MCF2L: variants seen among roughly 807,000 people sequenced by gnomAD.
MCF2L encodes the protein MCF.2 cell line derived transforming sequence like.
MCF2L carries 97 observed loss-of-function variants against 153.4 expected under a neutral mutation model. The ratio of observed to expected loss-of-function variants is 0.63; its 90% CI spans 0.54 to 0.75. The LOEUF is 0.75. Ranked by LOEUF, MCF2L falls within the 30% of genes least tolerant of loss-of-function variation. The pLI, the probability that MCF2L is intolerant of heterozygous loss-of-function variation, is 0.00. For synonymous variants in MCF2L, 659 were observed against 632.2 expected, an observed-to-expected ratio of 1.04 and a Z score of -0.64; for missense variants, 1,347 against 1,495.2, an observed-to-expected ratio of 0.90 and a Z score of 1.64.
intron 2 of MCF2L, among the ~76,000 whole-genome samples, chr13:113,021,288 G>A (rs369409982): frequency 1.4e-3 from 211 of 152,248 alleles, no homozygotes; most frequent in African/African-American, 5.0e-3. Flanking sequence ...GTAGCTGTGT[G>A]TAGCTGTGTG....
At chr13:112,947,180 C>T (rs1367253627) in intron 2 of MCF2L, among the ~76,000 whole-genome samples, 1 of 152,184 alleles carries the variant, frequency 6.6e-6, no homozygotes, top group Non-Finnish European at 1.5e-5. Context: ...AGCCCTTGTC[C>T]TAACCACCTA....
At chr13:112,922,140 A>G (rs916455938) in intron 2 of MCF2L, among the ~76,000 whole-genome samples, 1 of 152,226 alleles carries the variant, frequency 6.6e-6, no homozygotes, top group Non-Finnish European at 1.5e-5. Context: ...CACTTTATAT[A>G]GTAGTCGACT....
rs2033266237 is a variant in MCF2L, at chr13:113,074,652, C to T, written c.1116+89C>T. On this transcript the variant is annotated intron_variant, in intron 10 of 29. Coordinates refer to ENST00000535094, the MANE Select transcript of MCF2L (RefSeq NM_001112732.3). This position sits in a 1 kb window ranked among gnomAD's most constrained non-coding sequence, Gnocchi z 4.2. ...GAAGGCGCAGGAATGGGCCTCCCGCCTACGGAGAACGGACCCCACAGCCCC... is the reference window on the plus strand; with the variant it reads ...GAAGGCGCAGGAATGGGCCTCCCGCTTACGGAGAACGGACCCCACAGCCCC... 1.3e-6 allele frequency: 2 copies of T among 1,555,844 alleles called. No homozygotes were observed. Among genetic ancestry groups the T allele is most frequent in the Admixed American group, 1.8e-5 (1 of 56,900 alleles).
intron 27 of MCF2L, chr13:113,095,348 C>A: frequency 8.6e-7 from 1 of 1,156,724 alleles, no homozygotes; most frequent in South Asian, 1.8e-5. Context: ...GCCCTCGGGG[C>A]CTCTGGCCTC....
At chr13:112,910,960 C>G (rs2140521720) in intron 2 of MCF2L, among the ~76,000 whole-genome samples, 1 of 129,762 alleles carries the variant, frequency 7.7e-6, no homozygotes, top group East Asian at 2.3e-4. Context: ...AAGCCGCAGC[C>G]AAAACGCAGG....
intron 11 of MCF2L, 132 bp downstream of exon 11, chr13:113,075,321 GT>G: frequency 2.8e-6 from 2 of 710,966 alleles, no homozygotes; most frequent in Non-Finnish European, 4.3e-6. Context: ...TGCACCCTTC[GT>G]TTCTGGTCTT....
At chr13:113,093,984 C>G (rs9577460) in intron 26 of MCF2L, 12,436 of 152,418 alleles carry the variant, frequency 0.082, 715 homozygotes, top group East Asian at 0.27. Flanking sequence ...TGGTCTCAGC[C>G]TTCCGGTTCG....
chr13:113,012,555 A>G (rs1332171443), intron 1 of MCF2L, among the ~76,000 whole-genome samples: 20 of 89,774 alleles, frequency 2.2e-4, no homozygotes, highest in Non-Finnish European at 2.6e-4. Flanking sequence ...CGATGAGGAC[A>G]GTGGACAGGT....
At chr13:113,081,350 A>G in intron 16 of MCF2L, 71 bp downstream of exon 16, 2 of 1,426,196 alleles carry the variant, frequency 1.4e-6, no homozygotes, top group Non-Finnish European at 1.9e-6. Context: ...GCTTCCTCTG[A>G]CAACTGCTGC....
rs1033919441 is a variant in MCF2L at position 112,997,421 on chromosome 13, G to A, written c.80-17342G>A. Among the ~76,000 whole-genome samples the A allele has an allele frequency of 3.9e-5, 6 of 152,200 alleles. No individual in the cohort carries two copies. In the East Asian group the frequency reaches 1.2e-3, roughly 29 times the overall value. On this transcript the variant is annotated intron_variant, in intron 1 of 29. Transcript: ENST00000535094. Reference sequence around the variant, plus strand: ...TGTGTAGACATCCACGTCACCCATAGCTGGGACCCCGTACGTGGACAGCAG... The same window carrying A: ...TGTGTAGACATCCACGTCACCCATAACTGGGACCCCGTACGTGGACAGCAG...
intron 1 of MCF2L, among the ~76,000 whole-genome samples, chr13:113,007,152 C>T (rs1192241976): frequency 6.6e-6 from 1 of 152,128 alleles, no homozygotes; most frequent in Non-Finnish European, 1.5e-5. Flanking sequence ...GTGACTACAC[C>T]CCAGCCAGGG....
intron 1 of MCF2L, among the ~76,000 whole-genome samples, chr13:112,981,031 G>A (rs2993283): frequency 0.43 from 64,355 of 150,570 alleles, 14,489 homozygotes; most frequent in African/African-American, 0.59. Context: ...ACTCTGACAC[G>A]TCCCTTTCCT....
intron 1 of MCF2L, among the ~76,000 whole-genome samples, chr13:113,002,904 C>T (rs1277965559): frequency 1.3e-5 from 2 of 151,964 alleles, no homozygotes; most frequent in Non-Finnish European, 2.9e-5. Context: ...TACAGCAGTT[C>T]ACGCCTGTAA....
intron 3 of MCF2L, among the ~76,000 whole-genome samples, chr13:113,033,217 A>ATTAGTGGGCCCCGTGGCG (rs1566772497): frequency 7.4e-5 from 1 of 13,490 alleles, no homozygotes; most frequent in Non-Finnish European, 1.6e-4. Context: ...CCCCCGTGAC[A>ATTAGTGGGCCCCGTGGCG]TGAGTGGCCC....
At chr13:112,936,101 G>A (rs1263241442) in intron 2 of MCF2L, among the ~76,000 whole-genome samples, 1 of 152,062 alleles carries the variant, frequency 6.6e-6, no homozygotes, top group African/African-American at 2.4e-5. Context: ...CCAACATAGT[G>A]AAACCCCGTC....
intron 1 of MCF2L, among the ~76,000 whole-genome samples, chr13:112,974,432 C>G (rs553004671): frequency 7.9e-5 from 12 of 152,334 alleles, no homozygotes; most frequent in African/African-American, 2.9e-4. Flanking sequence ...TTTGCTTGGA[C>G]TTTTGCACCC....
rs116233290 is a variant in MCF2L at position 113,000,360 on chromosome 13, C to T, written c.80-14403C>T. 5.1e-3 allele frequency among the ~76,000 whole-genome samples: 774 copies of T among 151,480 alleles called. 12 individuals carry two copies. The highest frequency in any genetic ancestry group is 0.017 in the African/African-American group (719 of 41,266). On this transcript the variant is annotated intron_variant, in intron 1 of 29. Coordinates refer to ENST00000535094, the MANE Select transcript of MCF2L (RefSeq NM_001112732.3). The stretch of plus-strand genomic sequence containing the variant: ...GCCCCTCGGTGGTCGTGAGTGGGTG[C>T]AGAGGGGCTTGCAGAAGCGACATTC...
intron 2 of MCF2L, among the ~76,000 whole-genome samples, chr13:112,937,274 C>G (rs1329857319): frequency 6.6e-6 from 1 of 152,230 alleles, no homozygotes; most frequent in Admixed American, 6.5e-5. Flanking sequence ...AGGCTGATCT[C>G]GAACTCCTAA....
At chr13:112,980,629 C>CCGCCTTCCCCTTTCCCT (rs2082378677) in intron 1 of MCF2L, among the ~76,000 whole-genome samples, 1 of 89,610 alleles carries the variant, frequency 1.1e-5, no homozygotes, top group Non-Finnish European at 2.4e-5. Context: ...TCTCAGGCTG[C>CCGCCTTCCCCTTTCCCT]CGCCTTCCCC....
Sources: gnomAD v4.1 joint callset for allele counts (sites outside exome capture counted in the v4.1 genomes callset) on GRCh38, gnomAD v4.1.1 for gene constraint, Gnocchi (gnomAD v3.1) non-coding constraint, MANE v1.5 for transcripts, NCBI Gene and HGNC (gene_info 2026-07-23, HGNC 2026-07-21) for gene names.